Variants in BMP5 observed in about 807,000 individuals in gnomAD.
The protein encoded by BMP5 is bone morphogenetic protein 5.
BMP5 carries 23 observed loss-of-function variants against 46.6 expected under a neutral mutation model. The observed-to-expected ratio is 0.49, with a 90% CI of 0.35 to 0.70. The LOEUF (loss-of-function observed/expected upper bound fraction) is 0.70. BMP5 is among the 30% of genes least tolerant of loss of function. BMP5 has a pLI of 0.00. For missense variants in BMP5, 545 were observed against 565.6 expected, an observed-to-expected ratio of 0.96 and a Z score of 0.37; for synonymous variants, 204 against 191.9, an observed-to-expected ratio of 1.06 and a Z score of -0.52.
intron 3 of BMP5, among the ~76,000 whole-genome samples, chr6:55,783,156 CTTA>C (rs1291149813): frequency 1.3e-5 from 2 of 152,084 alleles, no homozygotes; most frequent in African/African-American, 4.8e-5. Context: ...CTCAATACTT[CTTA>C]TTAGCCATAA....
rs1401833352 is a variant in BMP5, at chr6:55,812,388, T to A, written c.683+7267A>T. On this transcript the variant is annotated intron_variant, in intron 2 of 6. Transcript: ENST00000370830. The stretch of plus-strand genomic sequence containing the variant: ...TAAATAAATAAGAAAAGAGGTGACA[T>A]AATGGATCTACCATATTTTAAATTT... Among the ~76,000 whole-genome samples the A allele has an allele frequency of 3.3e-5, 5 of 152,244 alleles. No homozygotes were observed. The East Asian group carries it at 7.7e-4, about 24-fold the overall frequency.
chr6:55,756,873 A>T (rs1774619136), intron 6 of BMP5, among the ~76,000 whole-genome samples: 1 of 151,920 alleles, frequency 6.6e-6, no homozygotes, highest in South Asian at 2.1e-4. Context: ...GCCTAACGGA[A>T]AAAAAATGGA....
At chr6:55,838,959 T>C (rs1015479469) in intron 1 of BMP5, among the ~76,000 whole-genome samples, 3 of 152,180 alleles carry the variant, frequency 2.0e-5, no homozygotes, top group African/African-American at 7.2e-5. Flanking sequence ...AATTGTATAA[T>C]TGGATGAGTT....
In BMP5 at chr6:55,825,971, A is replaced by C. The variant is rs144705162; in HGVS notation, c.491-6124T>G. On this transcript the variant is annotated intron_variant, in intron 1 of 6. Coordinates refer to ENST00000370830, the MANE Select transcript of BMP5 (RefSeq NM_021073.4). ...GAGATTACTCATAGAATTATTACTA[A>C]TCTGTGTTGCATTGTAAAAGTGAAA... Among the ~76,000 whole-genome samples, 48 of 151,982 alleles carry C rather than the reference A, an allele frequency of 3.2e-4. 1 individual carries two copies. In the East Asian group the frequency reaches 8.9e-3, roughly 28 times the overall value.
chr6:55,847,341 T>C (rs1378209773), intron 1 of BMP5, among the ~76,000 whole-genome samples: 3 of 151,922 alleles, frequency 2.0e-5, no homozygotes, highest in Admixed American at 6.6e-5. Flanking sequence ...CCTTTTCCTA[T>C]CCTGAGACAA....
chr6:55,833,106 A>G (rs115005564), intron 1 of BMP5, among the ~76,000 whole-genome samples: 1 of 152,262 alleles, frequency 6.6e-6, no homozygotes, highest in Non-Finnish European at 1.5e-5. Context: ...ACAGAGCAAG[A>G]TCCTGTCTCT....
At chr6:55,811,461 C>T (rs781479059) in intron 2 of BMP5, among the ~76,000 whole-genome samples, 7 of 152,110 alleles carry the variant, frequency 4.6e-5, no homozygotes, top group Non-Finnish European at 8.8e-5. Context: ...CTTAGCACAG[C>T]GCCAGACACA....
intron 1 of BMP5, among the ~76,000 whole-genome samples, chr6:55,821,560 A>G (rs913233693): frequency 6.6e-6 from 1 of 152,092 alleles, no homozygotes; most frequent in Non-Finnish European, 1.5e-5. Context: ...ACACCACCTC[A>G]CATGATTCAT....
intron 4 of BMP5, among the ~76,000 whole-genome samples, chr6:55,763,633 T>C (rs1214150591): frequency 6.6e-6 from 1 of 152,176 alleles, no homozygotes; most frequent in Non-Finnish European, 1.5e-5. Context: ...ATGGATATAA[T>C]TCTACTGTTA....
At chr6:55,791,468 C>T (rs772739268) in intron 3 of BMP5, among the ~76,000 whole-genome samples, 4 of 152,078 alleles carry the variant, frequency 2.6e-5, no homozygotes, top group Non-Finnish European at 4.4e-5. Context: ...ACCAAACTCT[C>T]AAATATGGAA....
At chr6:55,843,744 T>A (rs1423993057) in intron 1 of BMP5, among the ~76,000 whole-genome samples, 2 of 152,084 alleles carry the variant, frequency 1.3e-5, no homozygotes, top group Non-Finnish European at 2.9e-5. Flanking sequence ...TTAATAAATT[T>A]GTGCTGAATA....
chr6:55,837,945 C>G (rs117324515), intron 1 of BMP5, among the ~76,000 whole-genome samples: 2 of 152,074 alleles, frequency 1.3e-5, no homozygotes, highest in African/African-American at 4.8e-5. Flanking sequence ...TTTACTTAAC[C>G]TAATGATACC....
chr6:55,777,078 A>G (rs985789415), intron 3 of BMP5, among the ~76,000 whole-genome samples: 2 of 151,926 alleles, frequency 1.3e-5, no homozygotes, highest in African/African-American at 4.8e-5. Flanking sequence ...TGGAGTGACT[A>G]TTAAGATTCC....
At chr6:55,796,798 T>C (rs1035855745) in intron 2 of BMP5, among the ~76,000 whole-genome samples, 1 of 152,054 alleles carries the variant, frequency 6.6e-6, no homozygotes, top group Non-Finnish European at 1.5e-5. Flanking sequence ...ATGATGTATA[T>C]ATTTAGAAAA....
chr6:55,850,455 T>C (rs1266571677), intron 1 of BMP5, among the ~76,000 whole-genome samples: 2 of 152,102 alleles, frequency 1.3e-5, no homozygotes, highest in Non-Finnish European at 2.9e-5. Flanking sequence ...ACCTAGGATA[T>C]ATTTAATATC....
chr6:55,868,484 T>G (rs1449043088), intron 1 of BMP5, among the ~76,000 whole-genome samples: 1 of 152,194 alleles, frequency 6.6e-6, no homozygotes, highest in Non-Finnish European at 1.5e-5. Context: ...GTTAATGCAT[T>G]CTTTTTGATT....
At chr6:55,799,242 A>G (rs1397651306) in intron 2 of BMP5, among the ~76,000 whole-genome samples, 1 of 152,204 alleles carries the variant, frequency 6.6e-6, no homozygotes, top group African/African-American at 2.4e-5. Flanking sequence ...TAAATCTGCA[A>G]TCTTTTATAG....
rs1377209587 is a variant in BMP5 at position 55,755,158 on chromosome 6, T to C, written c.*375A>G. 6.4e-6 allele frequency: 1 copy of C among 155,172 alleles called. No individual in the cohort carries two copies. The highest frequency in any genetic ancestry group is 2.4e-5 in the African/African-American group (1 of 41,492). 9.6% of individuals were successfully genotyped at this position (155,172 alleles called of 1,614,324 possible). On this transcript the variant is annotated 3_prime_UTR_variant, in exon 7 of 7. Transcript: ENST00000370830. ...TCATTGGCACAATATAACTAAATTATTCAATTTCCTTCCACAATATTAAAC... is the reference window on the plus strand; with the variant it reads ...TCATTGGCACAATATAACTAAATTACTCAATTTCCTTCCACAATATTAAAC...
intron 2 of BMP5, among the ~76,000 whole-genome samples, chr6:55,801,330 A>G (rs1775844704): frequency 6.6e-6 from 1 of 152,202 alleles, no homozygotes; most frequent in Non-Finnish European, 1.5e-5. Context: ...GCTCCTTCAG[A>G]TCCCACTAAT....
Sources: allele counts gnomAD v4.1 joint callset (sites outside exome capture counted in the v4.1 genomes callset), GRCh38; gene constraint gnomAD v4.1.1; transcripts MANE v1.5; gene names NCBI Gene and HGNC (gene_info 2026-07-23, HGNC 2026-07-21).